Variants in TCTN1 observed in about 807,000 individuals in gnomAD.
The protein encoded by TCTN1 is tectonic family member 1.
TCTN1 carries 58 observed loss-of-function variants against 65.8 expected under a neutral mutation model. The observed-to-expected ratio is 0.88, with a 90% CI of 0.71 to 1.10. TCTN1 has a LOEUF of 1.10. Ranked by LOEUF, TCTN1 falls within the 50% of genes least tolerant of loss-of-function variation. The pLI, the probability that TCTN1 is intolerant of heterozygous loss-of-function variation, is 0.00. For missense variants in TCTN1, 645 were observed against 719.4 expected, an observed-to-expected ratio of 0.90 and a Z score of 1.18; for synonymous variants, 273 against 289.1, an observed-to-expected ratio of 0.94 and a Z score of 0.57.
intron 3 of TCTN1, chr12:110,628,148 T>C (rs887032638): frequency 6.5e-7 from 1 of 1,536,086 alleles, no homozygotes; most frequent in South Asian, 1.2e-5. Flanking sequence ...TCCTTACAGG[T>C]TGATACAGCA....
chr12:110,632,698 G>C, intron 5 of TCTN1, 139 bp downstream of exon 5: 2 of 831,372 alleles, frequency 2.4e-6, no homozygotes, highest in Non-Finnish European at 4.0e-6. Context: ...CTTTACATTT[G>C]TAGTAGTCAT....
In TCTN1 at chr12:110,640,721, C is replaced by A. The variant is rs964849208; in HGVS notation, c.978+204C>A. ...AACTTAGTGACTTGCCGGAATACATCAAAATATTTTTGTTGTTGCTGTTTT... is the reference window on the plus strand; with the variant it reads ...AACTTAGTGACTTGCCGGAATACATAAAAATATTTTTGTTGTTGCTGTTTT... On this transcript the variant is annotated intron_variant, in intron 8 of 14. Transcript: ENST00000397659. The surrounding 1 kb of genome is among the most constrained non-coding windows in gnomAD (Gnocchi z 4.9). Among the ~76,000 whole-genome samples, 4 of 152,182 alleles carry A rather than the reference C, an allele frequency of 2.6e-5. No individual in the cohort carries two copies. Among genetic ancestry groups the A allele is most frequent in the African/African-American group, 9.7e-5 (4 of 41,434 alleles).
chr12:110,631,325 T>C (rs114029386), intron 4 of TCTN1, among the ~76,000 whole-genome samples: 2,267 of 147,638 alleles, frequency 0.015, 64 homozygotes, highest in African/African-American at 0.053. Context: ...CACCCAGCCC[T>C]AGAGCTGTAG....
chr12:110,642,448 A>G, intron 11 of TCTN1, 59 bp downstream of exon 11: 4 of 1,612,916 alleles, frequency 2.5e-6, no homozygotes, highest in Non-Finnish European at 3.4e-6. Context: ...AAGCATTCTC[A>G]CTTTTCCCCA....
At chr12:110,648,039 A>T (rs966264549) in intron 14 of TCTN1, 146 bp downstream of exon 14, 19 of 1,251,344 alleles carry the variant, frequency 1.5e-5, no homozygotes, top group Non-Finnish European at 2.1e-5. Context: ...TGGTGTGATC[A>T]TGGCTCACTG....
chr12:110,645,210 C>T lies in TCTN1; in HGVS notation c.1494+81C>T, dbSNP rs1053551223. The T allele has an allele frequency of 2.0e-5, 32 of 1,574,792 alleles. 1 individual carries two copies. Among genetic ancestry groups the T allele is most frequent in the Non-Finnish European group, 2.3e-5 (27 of 1,160,904 alleles). The stretch of plus-strand genomic sequence containing the variant: ...TGATGAAGGCAGCCGGGGAAGCCAG[C>T]TGTTAAGGAGGCAGGATGGCCCTGA... On this transcript the variant is annotated intron_variant, in intron 12 of 14. Coordinates refer to ENST00000397659, the MANE Select transcript of TCTN1 (RefSeq NM_001082538.3).
chr12:110,645,286 A>G lies in TCTN1; in HGVS notation c.1494+157A>G, dbSNP rs1008327815. On this transcript the variant is annotated intron_variant, in intron 12 of 14. Transcript: ENST00000397659. ...TACTGATTTTTGCCCCTTGTTAGCA[A>G]TGTTGCCTCTGGCCAGCAGTTTTAT... 4.0e-5 allele frequency: 37 copies of G among 915,636 alleles called. No homozygotes were observed. In the African/African-American group the frequency reaches 5.3e-4, roughly 13 times the overall value. The allele number at this position is 915,636 out of a possible 1,614,324, so 56.7% of individuals were successfully genotyped here. A position where few individuals can be genotyped will look rare whatever the true frequency, so the allele number is the denominator to read the frequency against.
At chr12:110,619,103 A>G (rs1052647897) in intron 1 of TCTN1, among the ~76,000 whole-genome samples, 2 of 152,008 alleles carry the variant, frequency 1.3e-5, no homozygotes, top group Non-Finnish European at 2.9e-5. Context: ...GCTTGAACCC[A>G]GGAGGTGGAG....
rs1364429288 is a variant in TCTN1 at position 110,639,606 on chromosome 12, T to C, written c.844-777T>C. Reference sequence around the variant, plus strand: ...TGTGTGGGTATGGAGTGTGTAGGAGTTGTGTTTTGGAGGTGAGGATATATA... The same window carrying C: ...TGTGTGGGTATGGAGTGTGTAGGAGCTGTGTTTTGGAGGTGAGGATATATA... On this transcript the variant is annotated intron_variant, in intron 7 of 14. Transcript: ENST00000397659. The surrounding 1 kb of genome is among the most constrained non-coding windows in gnomAD (Gnocchi z 4.9). Among the ~76,000 whole-genome samples the C allele has an allele frequency of 6.6e-6, 1 of 152,018 alleles. No homozygotes were observed. Among genetic ancestry groups the C allele is most frequent in the East Asian group, 1.9e-4 (1 of 5,200 alleles).
rs1440304609 is a variant in TCTN1, at chr12:110,640,947, A to G, written c.979-77A>G. ...AGAAACAGGGAAAGATTTGCTATCT[A>G]TGGGTGTTTTCAGTTATTCATACAG... On this transcript the variant is annotated intron_variant, in intron 8 of 14. Transcript: ENST00000397659. This position sits in a 1 kb window ranked among gnomAD's most constrained non-coding sequence, Gnocchi z 4.9. 35 of 1,589,600 alleles carry G rather than the reference A, an allele frequency of 2.2e-5. 1 individual carries two copies. The South Asian group carries it at 3.2e-4, about 15-fold the overall frequency.
At chr12:110,628,079 G>A in intron 3 of TCTN1, 1 of 1,535,972 alleles carries the variant, frequency 6.5e-7, no homozygotes, top group Non-Finnish European at 8.7e-7. Flanking sequence ...CTTTCACGGT[G>A]GCTGTGTGAG....
rs374918184 is a variant in TCTN1 at position 110,641,557 on chromosome 12, G to T, written c.1120G>T (p.Val374Phe). The T allele has an allele frequency of 6.8e-6, 11 of 1,614,098 alleles. No individual in the cohort carries two copies. The highest frequency in any genetic ancestry group is 9.3e-6 in the Non-Finnish European group (11 of 1,180,036). Residue 374 changes from valine to phenylalanine, a missense_variant, in exon 10 of 15, where the codon GTC becomes TTC. Transcript: ENST00000397659. ...IHFLQENTQP[V>F]PLSGNPGYVV... ...TGTCTTTCAGGAAAATACCCAGCCA[G>T]TCCCTCTCAGTGGAAACCCTGGTTA...
intron 6 of TCTN1, 125 bp downstream of exon 6, chr12:110,634,904 G>T: frequency 2.9e-6 from 2 of 695,586 alleles, no homozygotes; most frequent in South Asian, 1.8e-5. Flanking sequence ...AATTTCTCCA[G>T]TACTTTTATA....
Position 110,639,767 on chromosome 12 carries a change from C to G in TCTN1, c.844-616C>G, listed in dbSNP as rs2066828454. Among the ~76,000 whole-genome samples, 1 of 152,142 alleles carries G rather than the reference C, an allele frequency of 6.6e-6. No homozygotes were observed. Among genetic ancestry groups the G allele is most frequent in the Non-Finnish European group, 1.5e-5 (1 of 68,026 alleles). The stretch of plus-strand genomic sequence containing the variant: ...GGTTGTGCAACCATCACCACTAATT[C>G]CGGAACATTTCCATCACCCCAAAAA... On this transcript the variant is annotated intron_variant, in intron 7 of 14. Transcript: ENST00000397659. The surrounding 1 kb of genome is among the most constrained non-coding windows in gnomAD (Gnocchi z 4.9).
intron 14 of TCTN1, 93 bp downstream of exon 14, chr12:110,647,986 T>C (rs2067482216): frequency 1.3e-6 from 2 of 1,578,838 alleles, no homozygotes; most frequent in Non-Finnish European, 1.7e-6. Context: ...CTGCATTTTA[T>C]ACTTTTTGAG....
chr12:110,625,085 A>C (rs1173252404), intron 2 of TCTN1, among the ~76,000 whole-genome samples: 1 of 152,238 alleles, frequency 6.6e-6, no homozygotes, highest in Non-Finnish European at 1.5e-5. Context: ...TTCTAAAGAC[A>C]AGGAATTTGG....
At chr12:110,631,565 C>T (rs1484749391) in intron 4 of TCTN1, among the ~76,000 whole-genome samples, 2 of 152,018 alleles carry the variant, frequency 1.3e-5, no homozygotes, top group African/African-American at 2.4e-5. Context: ...ACCCAGGAAG[C>T]GGAGGTTGCA....
At chr12:110,615,018 GC>G (rs1166216843) in intron 1 of TCTN1, among the ~76,000 whole-genome samples, 1 of 152,140 alleles carries the variant, frequency 6.6e-6, no homozygotes, top group African/African-American at 2.4e-5. Flanking sequence ...TTTGGCTGGC[GC>G]CGTGGCTCAC....
At chr12:110,627,605 G>A (rs2065944763) in intron 3 of TCTN1, among the ~76,000 whole-genome samples, 2 of 152,046 alleles carry the variant, frequency 1.3e-5, no homozygotes, top group Admixed American at 6.6e-5. Context: ...AGGAATCTAG[G>A]TTTCTATATA....
Sources: gnomAD v4.1 joint callset for allele counts (sites outside exome capture counted in the v4.1 genomes callset) on GRCh38, gnomAD v4.1.1 for gene constraint, Gnocchi (gnomAD v3.1) non-coding constraint, MANE v1.5 for transcripts, NCBI Gene and HGNC (gene_info 2026-07-23, HGNC 2026-07-21) for gene names.